Variants in NEGR1 observed in about 807,000 individuals in gnomAD.
NEGR1 encodes the protein IgLON family member 4.
Under a neutral mutation model 40.9 loss-of-function variants are expected in NEGR1, and 10 were observed. That is an observed-to-expected ratio of 0.24 (90% confidence interval 0.15 to 0.42). The LOEUF (loss-of-function observed/expected upper bound fraction) is 0.42. NEGR1 is among the 10% of genes least tolerant of loss of function. NEGR1 has a pLI of 1.00. For missense variants in NEGR1, 352 were observed against 438.9 expected, an observed-to-expected ratio of 0.80 and a Z score of 1.77; for synonymous variants, 185 against 166.8, an observed-to-expected ratio of 1.11 and a Z score of -0.84.
intron 2 of NEGR1, among the ~76,000 whole-genome samples, chr1:71,803,907 A>AAT (rs1410631400): frequency 5.9e-5 from 9 of 152,152 alleles, no homozygotes; most frequent in African/African-American, 2.2e-4. Flanking sequence ...ATGTTTAATA[A>AAT]GCATTTGTTA....
intron 1 of NEGR1, among the ~76,000 whole-genome samples, chr1:72,239,929 A>G (rs995158279): frequency 7.9e-5 from 12 of 151,810 alleles, no homozygotes; most frequent in Non-Finnish European, 1.6e-4. Context: ...AGTGTCCTCA[A>G]AAAGGTCATG....
rs1426865295 is a variant in NEGR1 at position 72,033,340 on chromosome 1, T to C, written c.177-98029A>G. 4.6e-5 allele frequency among the ~76,000 whole-genome samples: 7 copies of C among 152,292 alleles called. No individual in the cohort carries two copies. In the East Asian group the frequency reaches 1.4e-3, roughly 29 times the overall value. On this transcript the variant is annotated intron_variant, in intron 1 of 6. Coordinates refer to ENST00000357731, the MANE Select transcript of NEGR1 (RefSeq NM_173808.3). ...ATATTTAGCAGTAATAATGTAAGATTAATATTTGTACAGGCACTTGCTCCT... is the reference window on the plus strand; with the variant it reads ...ATATTTAGCAGTAATAATGTAAGATCAATATTTGTACAGGCACTTGCTCCT...
chr1:71,954,866 C>A (rs1646106256), intron 1 of NEGR1, among the ~76,000 whole-genome samples: 1 of 152,050 alleles, frequency 6.6e-6, no homozygotes, highest in South Asian at 2.1e-4. Context: ...ATAACAATTA[C>A]CATCATCATT....
intron 6 of NEGR1, among the ~76,000 whole-genome samples, chr1:71,577,060 C>A (rs1431549592): frequency 3.3e-5 from 5 of 152,184 alleles, no homozygotes; most frequent in Non-Finnish European, 7.3e-5. Context: ...GTTTCTAATT[C>A]TAACTAACAC....
intron 1 of NEGR1, among the ~76,000 whole-genome samples, chr1:71,992,973 A>G (rs1293959166): frequency 6.6e-6 from 1 of 152,222 alleles, no homozygotes; most frequent in African/African-American, 2.4e-5. Context: ...TTATCATGCT[A>G]CATAGTAAAT....
chr1:71,801,512 A>G (rs1393309951), intron 2 of NEGR1, among the ~76,000 whole-genome samples: 1 of 152,116 alleles, frequency 6.6e-6, no homozygotes, highest in Non-Finnish European at 1.5e-5. Context: ...TTTCCACTCA[A>G]ACTATCTATC....
intron 1 of NEGR1, among the ~76,000 whole-genome samples, chr1:72,170,716 G>GAT (rs1409704340): frequency 6.6e-6 from 1 of 152,172 alleles, no homozygotes; most frequent in African/African-American, 2.4e-5. Context: ...TGTAACTGTA[G>GAT]ATATCAGAGG....
chr1:71,678,572 T>A lies in NEGR1; in HGVS notation c.667+19436A>T, dbSNP rs1189661373. 5.3e-5 allele frequency among the ~76,000 whole-genome samples: 8 copies of A among 152,262 alleles called. No homozygotes were observed. In the South Asian group the frequency reaches 1.4e-3, roughly 28 times the overall value. On this transcript the variant is annotated intron_variant, in intron 4 of 6. Transcript: ENST00000357731. ...CCACCCAGAGCAAGTCTAGTTTAAA[T>A]GGCTACACCAAAGTATTCAGTTGTA...
intron 1 of NEGR1, among the ~76,000 whole-genome samples, chr1:72,091,864 TAAG>T (rs1648512308): frequency 6.6e-6 from 1 of 152,188 alleles, no homozygotes; most frequent in African/African-American, 2.4e-5. Context: ...TCTTGGCTTA[TAAG>T]AAGCTGCCAT....
At chr1:71,929,611 T>A (rs1473564800) in intron 2 of NEGR1, among the ~76,000 whole-genome samples, 1 of 152,218 alleles carries the variant, frequency 6.6e-6, no homozygotes, top group Non-Finnish European at 1.5e-5. Context: ...TTAGTGGCGA[T>A]AATTTTTCTT....
intron 2 of NEGR1, among the ~76,000 whole-genome samples, chr1:71,916,525 G>A (rs1661588874): frequency 6.6e-6 from 1 of 152,140 alleles, no homozygotes; most frequent in Admixed American, 6.5e-5. Flanking sequence ...GGCCGAAGCG[G>A]GTGGATCACC....
At chr1:71,912,517 A>G (rs911934723) in intron 2 of NEGR1, among the ~76,000 whole-genome samples, 1 of 152,222 alleles carries the variant, frequency 6.6e-6, no homozygotes, top group African/African-American at 2.4e-5. Flanking sequence ...AGGACATGAC[A>G]TCTTTGAAGA....
chr1:71,757,191 G>C (rs1290994197), intron 3 of NEGR1, among the ~76,000 whole-genome samples: 2 of 151,990 alleles, frequency 1.3e-5, no homozygotes, highest in Non-Finnish European at 2.9e-5. Context: ...ATTATGCTAG[G>C]AGACATTTCA....
chr1:72,122,975 T>C (rs114030538), intron 1 of NEGR1, among the ~76,000 whole-genome samples: 6,195 of 151,994 alleles, frequency 0.041, 179 homozygotes, highest in Non-Finnish European at 0.059. Context: ...TAATGGGATA[T>C]ATTGAGAACA....
At chr1:71,741,988 G>A (rs1655227438) in intron 3 of NEGR1, among the ~76,000 whole-genome samples, 1 of 152,116 alleles carries the variant, frequency 6.6e-6, no homozygotes, top group African/African-American at 2.4e-5. Context: ...CCTCTCACCA[G>A]GCCCCACCTC....
At chr1:72,246,607 T>C (rs1266854525) in intron 1 of NEGR1, among the ~76,000 whole-genome samples, 1 of 152,254 alleles carries the variant, frequency 6.6e-6, no homozygotes, top group Non-Finnish European at 1.5e-5. Context: ...GCCTTTTTTA[T>C]ATAGGAATAC....
intron 1 of NEGR1, among the ~76,000 whole-genome samples, chr1:71,966,796 C>G (rs1392209371): frequency 1.3e-5 from 2 of 152,162 alleles, no homozygotes; most frequent in African/African-American, 2.4e-5. Context: ...CTTCTCCCCT[C>G]TGATTTTCTG....
intron 4 of NEGR1, among the ~76,000 whole-genome samples, chr1:71,641,621 G>T (rs1234879770): frequency 1.3e-5 from 2 of 151,944 alleles, no homozygotes; most frequent in Admixed American, 6.6e-5. Context: ...TGGGTTGGGG[G>T]AGGATATCAC....
At chr1:71,813,915 C>T (rs1265621688) in intron 2 of NEGR1, among the ~76,000 whole-genome samples, 1 of 152,066 alleles carries the variant, frequency 6.6e-6, no homozygotes, top group African/African-American at 2.4e-5. Flanking sequence ...TATTTGAATA[C>T]ATTTTATTTC....
Sources: allele counts gnomAD v4.1 joint callset (sites outside exome capture counted in the v4.1 genomes callset), GRCh38; gene constraint gnomAD v4.1.1; transcripts MANE v1.5; gene names NCBI Gene and HGNC (gene_info 2026-07-23, HGNC 2026-07-21).